Variants in DEPDC5 observed in about 807,000 individuals in gnomAD.
The protein encoded by DEPDC5 is GATOR1 complex protein DEPDC5.
A neutral mutation model predicts 217.3 loss-of-function variants in DEPDC5; 73 were observed. That is an observed-to-expected ratio of 0.34 (90% CI 0.28 to 0.41). DEPDC5 has a LOEUF of 0.41. Among genes scored for constraint, DEPDC5 ranks in the 10% least tolerant of loss-of-function variants. The probability of loss-of-function intolerance (pLI) is 1.00; values close to 1 mark genes in which losing one functional copy is unlikely to be tolerated. For synonymous variants in DEPDC5, 733 were observed against 756.7 expected (o/e 0.97, Z 0.51); for missense variants, 1,675 against 2,070.1 (o/e 0.81, Z 3.70).
chr22:31,893,016 C>T (rs993521383), intron 38 of DEPDC5, among the ~76,000 whole-genome samples: 1 of 151,908 alleles, frequency 6.6e-6, no homozygotes, highest in African/African-American at 2.4e-5. Context: ...GTTGAGACTA[C>T]AGGTGTGCAC....
At chr22:31,860,317 G>A (rs112072889) in intron 32 of DEPDC5, among the ~76,000 whole-genome samples, 14 of 152,300 alleles carry the variant, frequency 9.2e-5, no homozygotes, top group African/African-American at 2.6e-4. Context: ...CCAAGGTTTC[G>A]TATTGGAGTT....
intron 11 of DEPDC5, 83 bp downstream of exon 11, chr22:31,792,185 C>A: frequency 9.7e-7 from 1 of 1,031,266 alleles, no homozygotes; most frequent in Non-Finnish European, 1.5e-6. Context: ...TCATTTTTTT[C>A]CTCGTTGCAC....
intron 34 of DEPDC5, among the ~76,000 whole-genome samples, chr22:31,871,386 G>A (rs957169205): frequency 4.6e-5 from 7 of 152,358 alleles, no homozygotes; most frequent in Non-Finnish European, 7.3e-5. Context: ...AGAGCAGAAA[G>A]TTCTCTGGGG....
intron 24 of DEPDC5, among the ~76,000 whole-genome samples, chr22:31,830,509 G>A (rs769100391): frequency 1.1e-4 from 16 of 152,208 alleles, no homozygotes; most frequent in Non-Finnish European, 2.4e-4. Context: ...AGTGTGTTGG[G>A]CTTGAATTAC....
chr22:31,763,590 G>A (rs1485588207), intron 4 of DEPDC5, among the ~76,000 whole-genome samples: 20 of 151,234 alleles, frequency 1.3e-4, no homozygotes, highest in Admixed American at 1.1e-3. Context: ...GACCCCAGAC[G>A]CCCAGCCCAC....
intron 29 of DEPDC5, 32 bp downstream of exon 29, chr22:31,843,844 G>C (rs545246171): frequency 6.4e-7 from 1 of 1,565,312 alleles, no homozygotes; most frequent in South Asian, 1.2e-5. Flanking sequence ...TTCCATCTTT[G>C]CATCCTTGGG....
At chr22:31,764,597 G>A (rs559218150) in intron 4 of DEPDC5, among the ~76,000 whole-genome samples, 4 of 152,066 alleles carry the variant, frequency 2.6e-5, no homozygotes, top group South Asian at 2.1e-4. Flanking sequence ...TGTGTTTTTA[G>A]TAGAGACAGG....
intron 38 of DEPDC5, among the ~76,000 whole-genome samples, chr22:31,893,217 G>A (rs576337216): frequency 2.0e-5 from 3 of 152,134 alleles, no homozygotes; most frequent in African/African-American, 4.8e-5. Flanking sequence ...ATAGTGACAC[G>A]TATCTAACAT....
Position 31,822,754 on chromosome 22 carries a change from G to A in DEPDC5, c.2068G>A (p.Glu690Lys). 1 of 1,614,118 alleles carries A rather than the reference G, an allele frequency of 6.2e-7. No homozygotes were observed. The highest frequency in any genetic ancestry group is 1.1e-5 in the South Asian group (1 of 91,066). The part of the protein sequence containing the change: ...MSFLNFSGTE[E>K]LSVGLLSNSG... ...CTTCTTGAACTTCAGTGGAACAGAG[G>A]AGCTTTCTGTCGGCCTGCTTAGCAA... The change falls in exon 24 of 43, where the codon GAG (glutamate) becomes AAG (lysine). Residue 690 changes from glutamate to lysine, a missense_variant. Glu to Lys is a moderately conservative substitution (Grantham distance 56). Coordinates refer to ENST00000651528, the MANE Select transcript of DEPDC5 (RefSeq NM_001242896.3).
chr22:31,765,147 A>C (rs1402109864), intron 5 of DEPDC5, 87 bp downstream of exon 5: 2 of 1,056,898 alleles, frequency 1.9e-6, no homozygotes, highest in African/African-American at 3.1e-5. Flanking sequence ...TGGGTTACTT[A>C]AGTGTAGTGT....
intron 32 of DEPDC5, chr22:31,858,014 A>C (rs943616166): frequency 6.5e-6 from 1 of 152,912 alleles, no homozygotes; most frequent in South Asian, 2.1e-4. Context: ...TGATCACACG[A>C]CTGCGCTCCA....
chr22:31,893,167 C>T (rs1022546613), intron 38 of DEPDC5, among the ~76,000 whole-genome samples: 12 of 144,478 alleles, frequency 8.3e-5, no homozygotes, highest in African/African-American at 2.7e-4. Flanking sequence ...AGCCACTGTG[C>T]CCGGCTGGTG....
chr22:31,759,589 GT>G (rs2082216216), intron 3 of DEPDC5, among the ~76,000 whole-genome samples: 1 of 149,816 alleles, frequency 6.7e-6, no homozygotes, highest in South Asian at 2.1e-4. Context: ...GGTCAGGCTG[GT>G]TTCGAACTCC....
chr22:31,883,755 G>C (rs1199769420), intron 38 of DEPDC5, among the ~76,000 whole-genome samples: 1 of 152,120 alleles, frequency 6.6e-6, no homozygotes, highest in Admixed American at 6.6e-5. Flanking sequence ...ACTGCATTTC[G>C]GCCCAAGGAG....
chr22:31,790,741 T>C (rs550990785), intron 10 of DEPDC5, among the ~76,000 whole-genome samples: 46 of 145,482 alleles, frequency 3.2e-4, no homozygotes, highest in Non-Finnish European at 6.5e-4. Context: ...CTCTCTTTTT[T>C]TTTTTCTTTT....
intron 39 of DEPDC5, chr22:31,894,315 A>AT (rs1336655728): frequency 6.7e-6 from 1 of 150,106 alleles, no homozygotes; most frequent in Non-Finnish European, 1.5e-5. Flanking sequence ...CTTACATTGC[A>AT]TTTTTTCTAT....
intron 38 of DEPDC5, among the ~76,000 whole-genome samples, chr22:31,886,277 C>A (rs1187031727): frequency 2.0e-5 from 3 of 152,124 alleles, no homozygotes; most frequent in Admixed American, 6.6e-5. Context: ...TCCCAGTTGG[C>A]CTTCAAAAGT....
intron 19 of DEPDC5, among the ~76,000 whole-genome samples, chr22:31,810,207 T>G (rs2088109802): frequency 6.6e-6 from 1 of 152,170 alleles, no homozygotes; most frequent in Non-Finnish European, 1.5e-5. Context: ...CTAAACATAT[T>G]AAGATGATTT....
At chr22:31,872,366 G>C (rs1181688973) in intron 34 of DEPDC5, among the ~76,000 whole-genome samples, 1 of 152,176 alleles carries the variant, frequency 6.6e-6, no homozygotes, top group Admixed American at 6.5e-5. Flanking sequence ...TTACCACTTT[G>C]GGCTTCCTGT....
Sources: gnomAD v4.1 joint callset for allele counts (sites outside exome capture counted in the v4.1 genomes callset) on GRCh38, gnomAD v4.1.1 for gene constraint, MANE v1.5 for transcripts, NCBI Gene and HGNC (gene_info 2026-07-23, HGNC 2026-07-21) for gene names.